The following FMN2 variants were observed in gnomAD, a reference collection of about 807,000 sequenced individuals.
The protein encoded by FMN2 is formin 2.
A neutral mutation model predicts 142.3 loss-of-function variants in FMN2; 51 were observed. The ratio of observed to expected loss-of-function variants is 0.36; its 90% CI spans 0.29 to 0.45. The LOEUF (loss-of-function observed/expected upper bound fraction) is 0.45. FMN2 is among the 20% of genes least tolerant of loss of function. FMN2 has a pLI of 1.00. For missense variants in FMN2, 1,936 were observed against 2,122.8 expected (o/e 0.91, Z 1.73); for synonymous variants, 882 against 869.8 (o/e 1.01, Z -0.25).
At chr1:240,382,799 T>C (rs1371251399) in intron 14 of FMN2, among the ~76,000 whole-genome samples, 1 of 151,850 alleles carries the variant, frequency 6.6e-6, no homozygotes, top group African/African-American at 2.4e-5. Flanking sequence ...TGAGCCTGAA[T>C]AACCAAGTAA....
At chr1:240,410,517 T>G (rs1176801317) in intron 15 of FMN2, among the ~76,000 whole-genome samples, 1 of 152,168 alleles carries the variant, frequency 6.6e-6, no homozygotes, top group Non-Finnish European at 1.5e-5. Context: ...AAGATCTAGA[T>G]TTCTAGATTT....
chr1:240,124,849 G>C (rs186450829), intron 2 of FMN2, among the ~76,000 whole-genome samples: 1 of 152,156 alleles, frequency 6.6e-6, no homozygotes, highest in East Asian at 1.9e-4. Flanking sequence ...TGTATTTTTA[G>C]TAGAGACGGG....
intron 16 of FMN2, among the ~76,000 whole-genome samples, chr1:240,446,469 T>A (rs950464610): frequency 6.6e-6 from 1 of 152,214 alleles, no homozygotes; most frequent in Non-Finnish European, 1.5e-5. Context: ...AAGGGTTTTT[T>A]GATGTCATAG....
chr1:240,101,666 C>T (rs1159693833), intron 1 of FMN2, among the ~76,000 whole-genome samples: 5 of 151,812 alleles, frequency 3.3e-5, no homozygotes, highest in Admixed American at 2.6e-4. Context: ...CCTCAGCTTC[C>T]AGAATAGCTG....
intron 2 of FMN2, among the ~76,000 whole-genome samples, chr1:240,159,970 T>TACACACACACACACAC (rs1221510945): frequency 2.6e-5 from 3 of 113,930 alleles, no homozygotes; most frequent in African/African-American, 1.0e-4. Context: ...TGTATATATA[T>TACACACACACACACAC]ATATACACAC....
At chr1:240,268,690 C>T (rs940817000) in intron 7 of FMN2, among the ~76,000 whole-genome samples, 4 of 152,010 alleles carry the variant, frequency 2.6e-5, no homozygotes, top group Non-Finnish European at 5.9e-5. Flanking sequence ...TAGTTTCTAG[C>T]TATGAATATA....
chr1:240,171,031 G>C, intron 2 of FMN2: 1 of 953,818 alleles, frequency 1.0e-6, no homozygotes, highest in South Asian at 1.3e-5. Context: ...GGGCTGGGGC[G>C]TCAGTGTGGT....
At chr1:240,095,844 C>T (rs975570103) in intron 1 of FMN2, among the ~76,000 whole-genome samples, 1 of 152,114 alleles carries the variant, frequency 6.6e-6, no homozygotes, top group African/African-American at 2.4e-5. Context: ...TAGGAACCAC[C>T]TGGGTTTTGT....
intron 7 of FMN2, among the ~76,000 whole-genome samples, chr1:240,291,814 C>A (rs1267987406): frequency 6.6e-6 from 1 of 152,056 alleles, no homozygotes; most frequent in Non-Finnish European, 1.5e-5. Flanking sequence ...TAACCTTGGG[C>A]TTCATAGCAA....
intron 13 of FMN2, among the ~76,000 whole-genome samples, chr1:240,355,214 G>A (rs991200403): frequency 6.6e-6 from 1 of 151,942 alleles, no homozygotes; most frequent in Admixed American, 6.6e-5. Context: ...CTACTTTATG[G>A]GCTTCATTCT....
intron 4 of FMN2, among the ~76,000 whole-genome samples, chr1:240,193,082 G>A (rs1429028128): frequency 6.6e-6 from 1 of 152,154 alleles, no homozygotes; most frequent in Non-Finnish European, 1.5e-5. Flanking sequence ...GGGGTGAAAT[G>A]AAGTAATATC....
chr1:240,184,692 T>A (rs1665323950), intron 3 of FMN2, among the ~76,000 whole-genome samples: 4 of 151,934 alleles, frequency 2.6e-5, no homozygotes, highest in African/African-American at 9.7e-5. Context: ...GTCCTAGAGC[T>A]GGGTTTAAGG....
At chr1:240,352,146 G>A (rs973510280) in intron 13 of FMN2, among the ~76,000 whole-genome samples, 1 of 152,110 alleles carries the variant, frequency 6.6e-6, no homozygotes, top group Non-Finnish European at 1.5e-5. Context: ...TTCCTCATTG[G>A]GATTGAAAAG....
rs936960303 is a variant in FMN2, at chr1:240,285,120, G to C, written c.4154-9702G>C. The C allele has an allele frequency of 3.8e-5, 15 of 398,832 alleles. No individual in the cohort carries two copies. The Admixed American group carries it at 3.9e-4, about 10-fold the overall frequency. 24.7% of individuals were successfully genotyped at this position (398,832 alleles called of 1,614,324 possible). A position where few individuals can be genotyped will look rare whatever the true frequency, so the allele number is the denominator to read the frequency against. On this transcript the variant is annotated intron_variant, in intron 7 of 17. Transcript: ENST00000319653. ...TGTTTTTTGTTTGAAGAAACATTTT[G>C]TTCAATTAGGAGGGTGTTGCAAGAA...
At chr1:240,424,916 T>C (rs1056338935) in intron 15 of FMN2, among the ~76,000 whole-genome samples, 1 of 152,220 alleles carries the variant, frequency 6.6e-6, no homozygotes. Flanking sequence ...ACAGTCATTC[T>C]TTAAGTAAAC....
At chr1:240,170,701 G>T (rs185969368) in intron 2 of FMN2, 1 of 1,558,976 alleles carries the variant, frequency 6.4e-7, no homozygotes, top group East Asian at 2.2e-5. Flanking sequence ...TGGCATTTCA[G>T]CTGGTTATGG....
In FMN2 at chr1:240,091,909, C is replaced by A. The variant is rs920366510; in HGVS notation, c.-201C>A. 1.2e-4 allele frequency: 107 copies of A among 909,848 alleles called. 1 individual carries two copies. Among genetic ancestry groups the A allele is most frequent in the South Asian group, 4.6e-4 (17 of 36,622 alleles). 56.4% of individuals were successfully genotyped at this position (909,848 alleles called of 1,614,324 possible). ...CAGCCGCAGCCGCAGCGACGGCAGCCACGGGAGCCGCCGCGCATTATGCAA... is the reference window on the plus strand; with the variant it reads ...CAGCCGCAGCCGCAGCGACGGCAGCAACGGGAGCCGCCGCGCATTATGCAA... On this transcript the variant is annotated 5_prime_UTR_variant, in exon 1 of 18. Coordinates refer to ENST00000319653, the MANE Select transcript of FMN2 (RefSeq NM_020066.5).
intron 16 of FMN2, among the ~76,000 whole-genome samples, chr1:240,452,153 C>T (rs556910971): frequency 2.6e-5 from 4 of 151,928 alleles, no homozygotes; most frequent in South Asian, 2.1e-4. Flanking sequence ...ATCACACCAC[C>T]GCACTCCAGC....
chr1:240,141,176 G>C (rs1571973950), intron 2 of FMN2, among the ~76,000 whole-genome samples: 1 of 152,280 alleles, frequency 6.6e-6, no homozygotes, highest in African/African-American at 2.4e-5. Flanking sequence ...TCAGGTGAAT[G>C]TGTTATGAAG....
Sources: gnomAD v4.1 joint callset for allele counts (sites outside exome capture counted in the v4.1 genomes callset) on GRCh38, gnomAD v4.1.1 for gene constraint, MANE v1.5 for transcripts, NCBI Gene and HGNC (gene_info 2026-07-23, HGNC 2026-07-21) for gene names.